The following MAGI1 variants were observed in gnomAD, a reference collection of about 807,000 sequenced individuals.
MAGI1 encodes the protein membrane-associated guanylate kinase, WW and PDZ domain-containing protein 1.
A neutral mutation model predicts 139.9 loss-of-function variants in MAGI1; 58 were observed. The ratio of observed to expected loss-of-function variants is 0.41; its 90% CI spans 0.34 to 0.52. The LOEUF is 0.52. Ranked by LOEUF, MAGI1 falls within the 20% of genes least tolerant of loss-of-function variation. The pLI is 0.12. For synonymous variants in MAGI1, 812 were observed against 737.9 expected (o/e 1.10, Z -1.63); for missense variants, 1,874 against 1,901.6 (o/e 0.99, Z 0.27).
intron 1 of MAGI1, chr3:65,843,908 G>A (rs2058893919): frequency 4.8e-6 from 1 of 209,762 alleles, no homozygotes; most frequent in African/African-American, 2.4e-5. Flanking sequence ...CCATTCTCTT[G>A]ACCCAGAAAC....
chr3:65,761,192 A>C (rs2036997060), intron 1 of MAGI1, among the ~76,000 whole-genome samples: 2 of 152,188 alleles, frequency 1.3e-5, no homozygotes, highest in African/African-American at 2.4e-5. Flanking sequence ...CCTGGGATGT[A>C]CTAGGCAAAA....
intron 18 of MAGI1, among the ~76,000 whole-genome samples, chr3:65,368,941 C>T (rs549750477): frequency 6.6e-6 from 1 of 152,168 alleles, no homozygotes; most frequent in Non-Finnish European, 1.5e-5. Context: ...GAGCTTCTGT[C>T]CTTGTCTGAT....
chr3:65,920,098 ATTTTAGGGAG>A (rs1041341380), intron 1 of MAGI1, among the ~76,000 whole-genome samples: 5 of 152,168 alleles, frequency 3.3e-5, no homozygotes, highest in African/African-American at 1.2e-4. Context: ...AGCCACACTT[ATTTTAGGGAG>A]TTTTGCACAT....
At chr3:65,435,962 A>G (rs1947819296) in intron 10 of MAGI1, among the ~76,000 whole-genome samples, 1 of 152,204 alleles carries the variant, frequency 6.6e-6, no homozygotes, top group South Asian at 2.1e-4. Flanking sequence ...ATGAGCCTAC[A>G]GAAGGAATTT....
At chr3:66,023,526 C>T (rs187934418) in intron 1 of MAGI1, among the ~76,000 whole-genome samples, 24 of 152,226 alleles carry the variant, frequency 1.6e-4, no homozygotes, top group Non-Finnish European at 8.8e-5. Flanking sequence ...AAGGGCTACA[C>T]TGGTTTGCAA....
chr3:65,794,996 A>G (rs2040030182), intron 1 of MAGI1, among the ~76,000 whole-genome samples: 2 of 152,220 alleles, frequency 1.3e-5, no homozygotes. Context: ...GACTAATGCT[A>G]ATGAGATACC....
intron 1 of MAGI1, among the ~76,000 whole-genome samples, chr3:65,993,068 C>T (rs2066265379): frequency 6.6e-6 from 1 of 151,908 alleles, no homozygotes; most frequent in South Asian, 2.1e-4. Flanking sequence ...TGTGCTCAAG[C>T]GATCCTCTTG....
Position 65,368,437 on chromosome 3 carries a change from T to C in MAGI1, c.3197-3491A>G, listed in dbSNP as rs201990525. On this transcript the variant is annotated intron_variant, in intron 18 of 22. Coordinates refer to ENST00000402939, the MANE Select transcript of MAGI1 (RefSeq NM_001033057.2). ...AAGCAAATCCCAGCTCTCACAGCCC[T>C]GTCCAGGGACTATTCCAAATCTCGG... Among the ~76,000 whole-genome samples, 82 of 152,346 alleles carry C rather than the reference T, an allele frequency of 5.4e-4. No homozygotes were observed. The East Asian group carries it at 0.013, about 24-fold the overall frequency.
chr3:65,523,338 A>C (rs1001886543), intron 2 of MAGI1, among the ~76,000 whole-genome samples: 1 of 152,028 alleles, frequency 6.6e-6, no homozygotes, highest in African/African-American at 2.4e-5. Flanking sequence ...ACAGAGGGTT[A>C]CTGGAGTCAC....
intron 4 of MAGI1, among the ~76,000 whole-genome samples, chr3:65,474,082 A>G (rs1176432379): frequency 6.6e-6 from 1 of 152,190 alleles, no homozygotes; most frequent in African/African-American, 2.4e-5. Flanking sequence ...TCTAGGCAAC[A>G]TAGTGAGACC....
At chr3:65,523,463 CAAAGAATGCAAGAAAAA>C (rs1231477778) in intron 2 of MAGI1, among the ~76,000 whole-genome samples, 2 of 151,876 alleles carry the variant, frequency 1.3e-5, no homozygotes, top group African/African-American at 4.8e-5. Flanking sequence ...GAAGAAAAAG[CAAAGAATGCAAGAAAAA>C]AAAGAAAGTT....
intron 1 of MAGI1, among the ~76,000 whole-genome samples, chr3:65,670,843 A>G (rs2086813486): frequency 6.6e-6 from 1 of 151,944 alleles, no homozygotes; most frequent in South Asian, 2.1e-4. Context: ...ACAGGCACAT[A>G]TACAACCACA....
chr3:65,992,715 T>A (rs2066244239), intron 1 of MAGI1, among the ~76,000 whole-genome samples: 1 of 152,204 alleles, frequency 6.6e-6, no homozygotes, highest in South Asian at 2.1e-4. Flanking sequence ...AAACCCTCAA[T>A]ACCACCAACG....
chr3:66,023,134 C>G (rs1013567846), intron 1 of MAGI1, among the ~76,000 whole-genome samples: 1 of 152,104 alleles, frequency 6.6e-6, no homozygotes, highest in African/African-American at 2.4e-5. Context: ...TGAAAACTCT[C>G]CTAAGTTGCA....
intron 1 of MAGI1, among the ~76,000 whole-genome samples, chr3:65,742,543 G>T (rs1234418474): frequency 3.9e-5 from 6 of 152,148 alleles, no homozygotes; most frequent in Non-Finnish European, 8.8e-5. Flanking sequence ...AAAGACCCCA[G>T]TCGCTTTTCC....
intron 5 of MAGI1, chr3:65,469,939 TA>T (rs1950451637): frequency 6.8e-6 from 1 of 147,914 alleles, no homozygotes; most frequent in Non-Finnish European, 1.5e-5. Flanking sequence ...TATTTATAAA[TA>T]TATTTAAATA....
intron 5 of MAGI1, among the ~76,000 whole-genome samples, chr3:65,467,097 C>T (rs1950222633): frequency 6.6e-6 from 1 of 152,156 alleles, no homozygotes; most frequent in African/African-American, 2.4e-5. Flanking sequence ...GGGAACTCAC[C>T]ACCTAGTATT....
At chr3:65,590,999 T>C (rs141199954) in intron 2 of MAGI1, among the ~76,000 whole-genome samples, 1 of 152,334 alleles carries the variant, frequency 6.6e-6, no homozygotes, top group African/African-American at 2.4e-5. Flanking sequence ...AACTCAGTGA[T>C]GCCACTCTCA....
At chr3:65,496,291 C>T (rs948537225) in intron 2 of MAGI1, among the ~76,000 whole-genome samples, 3 of 151,812 alleles carry the variant, frequency 2.0e-5, no homozygotes, top group Non-Finnish European at 4.4e-5. Flanking sequence ...AGTCCTCCTA[C>T]CTTGGCCTCC....
Sources: allele counts gnomAD v4.1 joint callset (sites outside exome capture counted in the v4.1 genomes callset), GRCh38; gene constraint gnomAD v4.1.1; transcripts MANE v1.5; gene names NCBI Gene and HGNC (gene_info 2026-07-23, HGNC 2026-07-21).